CLVS1: variants seen among roughly 807,000 people sequenced by gnomAD.
The protein encoded by CLVS1 is clavesin 1.
A neutral mutation model predicts 33.1 loss-of-function variants in CLVS1; 10 were observed. The observed-to-expected ratio is 0.30, with a 90% CI of 0.19 to 0.51. The LOEUF (loss-of-function observed/expected upper bound fraction) is 0.51, where lower values mean the gene tolerates loss of function less well. CLVS1 is among the 20% of genes least tolerant of loss of function. The pLI is 0.97. For synonymous variants in CLVS1, 163 were observed against 166.1 expected, an observed-to-expected ratio of 0.98 and a Z score of 0.14; for missense variants, 343 against 433.4, an observed-to-expected ratio of 0.79 and a Z score of 1.85.
the CLVS1 span, among the ~76,000 whole-genome samples, chr8:60,988,368 G>A: frequency 2.0e-5 from 3 of 151,978 alleles, no homozygotes; most frequent in African/African-American, 7.3e-5. Context: ...CTGGTGCCTG[G>A]GACAGCTTCT....
chr8:61,161,175 C>G (rs901658876), intron 2 of CLVS1, among the ~76,000 whole-genome samples: 1 of 151,204 alleles, frequency 6.6e-6, no homozygotes, highest in Non-Finnish European at 1.5e-5. Flanking sequence ...CAAAATATAA[C>G]AAGTGTTGGT....
intron 1 of CLVS1, among the ~76,000 whole-genome samples, chr8:61,058,972 C>T (rs998529176): frequency 6.6e-6 from 1 of 152,036 alleles, no homozygotes; most frequent in Non-Finnish European, 1.5e-5. Flanking sequence ...TGTTTCTGAG[C>T]TTTTAATATT....
intron 3 of CLVS1, among the ~76,000 whole-genome samples, chr8:61,386,851 C>T (rs896349939): frequency 2.6e-5 from 4 of 152,138 alleles, no homozygotes; most frequent in Admixed American, 6.6e-5. Context: ...ATTTGATCCT[C>T]CCTACACCCC....
intron 2 of CLVS1, among the ~76,000 whole-genome samples, chr8:61,232,631 T>C (rs1472881256): frequency 6.6e-6 from 1 of 152,202 alleles, no homozygotes; most frequent in Non-Finnish European, 1.5e-5. Context: ...CATAAAATGC[T>C]CCATAGTCTT....
chr8:61,484,296 A>G (rs1030440667), intron 5 of CLVS1, among the ~76,000 whole-genome samples: 6 of 152,224 alleles, frequency 3.9e-5, no homozygotes, highest in Non-Finnish European at 7.3e-5. Context: ...CTGTACACCA[A>G]TAACAGACAA....
chr8:61,296,822 C>T (rs1810229432), intron 1 of CLVS1, among the ~76,000 whole-genome samples: 3 of 152,146 alleles, frequency 2.0e-5, no homozygotes, highest in Admixed American at 6.5e-5. Flanking sequence ...GCAATGAAGT[C>T]GCTCTGCCCA....
At chr8:61,073,556 C>T (rs1804841207) in intron 1 of CLVS1, among the ~76,000 whole-genome samples, 2 of 152,200 alleles carry the variant, frequency 1.3e-5, no homozygotes, top group South Asian at 4.2e-4. Context: ...CTGTTCATCA[C>T]CCACTTACTG....
intron 2 of CLVS1, among the ~76,000 whole-genome samples, chr8:61,229,747 C>T (rs182922279): frequency 1.3e-5 from 2 of 152,320 alleles, no homozygotes; most frequent in Admixed American, 6.5e-5. Context: ...TTTCCTGCCT[C>T]GGTCTTCCAA....
the CLVS1 span, among the ~76,000 whole-genome samples, chr8:60,977,849 C>G: frequency 1.1e-3 from 165 of 152,290 alleles, no homozygotes; most frequent in African/African-American, 3.8e-3. Flanking sequence ...AAGAAATCTA[C>G]ACAGAGACAC....
upstream of CLVS1, among the ~76,000 whole-genome samples, chr8:61,287,386 A>T (rs1277866901): frequency 6.6e-6 from 1 of 152,164 alleles, no homozygotes; most frequent in Non-Finnish European, 1.5e-5. Context: ...TGTATGAAAC[A>T]TCTACTTGCT....
rs549299978 is a variant in CLVS1, at chr8:61,132,971, C to T, written c.-152+1111C>T. 7.2e-5 allele frequency among the ~76,000 whole-genome samples: 11 copies of T among 152,222 alleles called. No homozygotes were observed. In the South Asian group the frequency reaches 2.3e-3, roughly 32 times the overall value. On this transcript the variant is annotated intron_variant, in intron 2 of 2. Coordinates refer to the CLVS1 transcript ENST00000522621. ...GGCCTCACAGGGTCTGGCCTGGAGG[C>T]CTGAGCAGCTCTAGTCTTTTCATGG...
At chr8:61,044,994 G>T in the CLVS1 span, among the ~76,000 whole-genome samples, 1 of 152,196 alleles carries the variant, frequency 6.6e-6, no homozygotes, top group African/African-American at 2.4e-5. Context: ...AGATGGGATG[G>T]ATTGGCCAGT....
intron 3 of CLVS1, among the ~76,000 whole-genome samples, chr8:61,431,799 A>G (rs540082345): frequency 6.6e-6 from 1 of 152,346 alleles, no homozygotes; most frequent in East Asian, 1.9e-4. Flanking sequence ...TAGGTTACAT[A>G]AAGCAATGGT....
intron 1 of CLVS1, among the ~76,000 whole-genome samples, chr8:61,075,813 T>C (rs1804899586): frequency 6.6e-6 from 1 of 152,222 alleles, no homozygotes; most frequent in African/African-American, 2.4e-5. Context: ...GCTCTATTAG[T>C]TCAAGCTGAG....
chr8:60,973,558 CATTT>C, the CLVS1 span, among the ~76,000 whole-genome samples: 1 of 152,078 alleles, frequency 6.6e-6, no homozygotes, highest in Non-Finnish European at 1.5e-5. Flanking sequence ...CAGGAGTGAA[CATTT>C]ATTAAAAAGC....
the CLVS1 span, among the ~76,000 whole-genome samples, chr8:60,992,510 C>G: frequency 3.9e-5 from 6 of 152,194 alleles, no homozygotes; most frequent in African/African-American, 1.4e-4. Context: ...CCATCTGAAG[C>G]AGAGGTCTCC....
At chr8:61,028,502 G>C in the CLVS1 span, among the ~76,000 whole-genome samples, 2 of 152,200 alleles carry the variant, frequency 1.3e-5, no homozygotes, top group African/African-American at 4.8e-5. Context: ...AGGCATTAAA[G>C]TATTGAGAGT....
chr8:60,969,447 A>G, the CLVS1 span, among the ~76,000 whole-genome samples: 1 of 152,216 alleles, frequency 6.6e-6, no homozygotes, highest in East Asian at 1.9e-4. Flanking sequence ...TTACTGCCAC[A>G]AAGCGTCTGT....
At chr8:60,987,587 T>C in the CLVS1 span, among the ~76,000 whole-genome samples, 2 of 152,154 alleles carry the variant, frequency 1.3e-5, no homozygotes, top group Non-Finnish European at 2.9e-5. Flanking sequence ...TATCTTTCAA[T>C]AGTTAACCTC....
Sources: gnomAD v4.1 joint callset for allele counts (sites outside exome capture counted in the v4.1 genomes callset) on GRCh38, gnomAD v4.1.1 for gene constraint, MANE v1.5 for transcripts, NCBI Gene and HGNC (gene_info 2026-07-23, HGNC 2026-07-21) for gene names.